TSHZ2: variants seen among roughly 807,000 people sequenced by gnomAD.
TSHZ2 encodes the protein teashirt homolog 2.
A neutral mutation model predicts 74.4 loss-of-function variants in TSHZ2; 21 were observed. The ratio of observed to expected loss-of-function variants is 0.28; its 90% CI spans 0.20 to 0.41. The LOEUF is 0.41. Among genes scored for constraint, TSHZ2 ranks in the 10% least tolerant of loss-of-function variants. The pLI is 1.00. For synonymous variants in TSHZ2, 540 were observed against 515.3 expected (o/e 1.05, Z -0.65); for missense variants, 1,244 against 1,293.5 (o/e 0.96, Z 0.59).
intron 1 of TSHZ2, among the ~76,000 whole-genome samples, chr20:53,180,165 A>AG (rs2123507931): frequency 6.6e-6 from 1 of 152,366 alleles, no homozygotes; most frequent in African/African-American, 2.4e-5. Flanking sequence ...ATTGGGAGAA[A>AG]GGGAGGGCTT....
At chr20:53,145,757 T>G (rs1987525080) in intron 1 of TSHZ2, among the ~76,000 whole-genome samples, 1 of 152,192 alleles carries the variant, frequency 6.6e-6, no homozygotes, top group African/African-American at 2.4e-5. Flanking sequence ...CAATTGCCCT[T>G]AACCAGAGAA....
chr20:53,194,694 C>T (rs529007220), intron 1 of TSHZ2, among the ~76,000 whole-genome samples: 1 of 152,340 alleles, frequency 6.6e-6, no homozygotes, highest in Non-Finnish European at 1.5e-5. Context: ...AATTACTTCA[C>T]CTAATGTGAT....
Position 53,255,100 on chromosome 20 carries a change from T to A in TSHZ2, c.1642T>A (p.Tyr548Asn). The stretch of plus-strand genomic sequence containing the variant: ...TGCCTACCCCAGCATCCACGCAGCC[T>A]ACCAGCTGTCTGAGGGCACCAAGCC... The part of the protein sequence containing the change: ...WSAYPSIHAA[Y>N]QLSEGTKPPL... Residue 548 changes from tyrosine (Y) to asparagine (N), a missense_variant, in exon 2 of 3, where the codon TAC becomes AAC. By Grantham distance (143) the Tyr-to-Asn change is moderately radical. Coordinates refer to ENST00000371497, the MANE Select transcript of TSHZ2 (RefSeq NM_173485.6). The surrounding 1 kb of genome is among the most constrained non-coding windows in gnomAD (Gnocchi z 4.1). 2 of 1,614,120 alleles carry A rather than the reference T, an allele frequency of 1.2e-6. No individual in the cohort carries two copies. Among genetic ancestry groups the A allele is most frequent in the Non-Finnish European group, 1.7e-6 (2 of 1,180,020 alleles).
intron 1 of TSHZ2, among the ~76,000 whole-genome samples, chr20:53,140,090 TG>T (rs1430389686): frequency 6.6e-6 from 1 of 152,104 alleles, no homozygotes; most frequent in African/African-American, 2.4e-5. Context: ...TGCACAGTGT[TG>T]AACAAGACAG....
chr20:52,986,977 A>G (rs1981791168), intron 1 of TSHZ2, among the ~76,000 whole-genome samples: 1 of 151,956 alleles, frequency 6.6e-6, no homozygotes, highest in African/African-American at 2.4e-5. Context: ...AAGAGGGGGT[A>G]GAATGATGTG....
chr20:53,278,810 T>C (rs1439221474), intron 2 of TSHZ2, among the ~76,000 whole-genome samples: 2 of 152,146 alleles, frequency 1.3e-5, no homozygotes, highest in African/African-American at 4.8e-5. Context: ...TTGTGGGCCA[T>C]GCAGTCTGTG....
chr20:53,082,864 T>C (rs1441049053), intron 1 of TSHZ2, among the ~76,000 whole-genome samples: 1 of 152,258 alleles, frequency 6.6e-6, no homozygotes, highest in Non-Finnish European at 1.5e-5. Context: ...CCAAATCTTG[T>C]TAAATGTTGT....
chr20:53,318,758 C>A (rs2145516916), intron 2 of TSHZ2, among the ~76,000 whole-genome samples: 1 of 152,294 alleles, frequency 6.6e-6, no homozygotes, highest in East Asian at 1.9e-4. Context: ...CAGCTTGGTA[C>A]AGTTAGTGAG....
intron 1 of TSHZ2, among the ~76,000 whole-genome samples, chr20:53,051,878 A>G (rs1180684089): frequency 6.6e-6 from 1 of 152,214 alleles, no homozygotes; most frequent in Non-Finnish European, 1.5e-5. Context: ...TGCAGGAGAA[A>G]GAAACAATTG....
rs112704439 is a variant in TSHZ2, at chr20:52,988,414, A to G, written c.40+15081A>G. On this transcript the variant is annotated intron_variant, in intron 1 of 2. Coordinates refer to ENST00000371497, the MANE Select transcript of TSHZ2 (RefSeq NM_173485.6). ...AGATAGGATACTGAAGCCCAGGCCC[A>G]CCTATCAGAGTCCAAGCTCTCAGAC... Among the ~76,000 whole-genome samples the G allele has an allele frequency of 8.0e-3, 1,211 of 152,308 alleles. 23 individuals are homozygous for G. The highest frequency in any genetic ancestry group is 0.028 in the African/African-American group (1,147 of 41,562).
At chr20:53,248,716 C>T (rs936046090) in intron 1 of TSHZ2, among the ~76,000 whole-genome samples, 2 of 152,180 alleles carry the variant, frequency 1.3e-5, no homozygotes, top group African/African-American at 4.8e-5. Flanking sequence ...GGTCTTGTTG[C>T]TTATTTGCAG....
intron 1 of TSHZ2, among the ~76,000 whole-genome samples, chr20:53,133,552 CTCGTCATAT>C (rs1245692917): frequency 6.6e-6 from 1 of 152,194 alleles, no homozygotes; most frequent in Non-Finnish European, 1.5e-5. Flanking sequence ...AAGCAGGCAG[CTCGTCATAT>C]TCTCAACAGG....
chr20:52,989,380 T>C (rs900269122), intron 1 of TSHZ2, among the ~76,000 whole-genome samples: 2 of 152,246 alleles, frequency 1.3e-5, no homozygotes, highest in Non-Finnish European at 2.9e-5. Context: ...TTAACATTAA[T>C]GTTTTCTTTG....
chr20:53,157,789 GTATT>G (rs957126781), intron 1 of TSHZ2, among the ~76,000 whole-genome samples: 16 of 152,206 alleles, frequency 1.1e-4, no homozygotes, highest in Admixed American at 7.8e-4. Context: ...TGTTCTTCAT[GTATT>G]TATTTATTTA....
At chr20:53,330,821 A>G (rs1979695723) in intron 2 of TSHZ2, among the ~76,000 whole-genome samples, 1 of 152,214 alleles carries the variant, frequency 6.6e-6, no homozygotes, top group African/African-American at 2.4e-5. Flanking sequence ...GGTTTATTCA[A>G]ATATGTTTAT....
intron 2 of TSHZ2, among the ~76,000 whole-genome samples, chr20:53,378,404 T>G (rs1042938856): frequency 6.6e-6 from 1 of 150,990 alleles, no homozygotes; most frequent in Non-Finnish European, 1.5e-5. Context: ...GAGCACAAGC[T>G]AAATGACTAG....
At chr20:53,193,864 G>A (rs1287098667) in intron 1 of TSHZ2, among the ~76,000 whole-genome samples, 2 of 151,708 alleles carry the variant, frequency 1.3e-5, no homozygotes, top group Non-Finnish European at 2.9e-5. Context: ...GTAAGAGGGA[G>A]GAACCTTGAA....
chr20:53,413,751 A>C (rs1320304054), intron 2 of TSHZ2, among the ~76,000 whole-genome samples: 1 of 152,248 alleles, frequency 6.6e-6, no homozygotes, highest in Non-Finnish European at 1.5e-5. Flanking sequence ...AAATTCTTCT[A>C]TGCTGATACA....
chr20:53,346,600 C>A (rs1047926368), intron 2 of TSHZ2, among the ~76,000 whole-genome samples: 1 of 152,200 alleles, frequency 6.6e-6, no homozygotes, highest in Non-Finnish European at 1.5e-5. Context: ...TCCTGTTGAC[C>A]AAAACCCTAA....
Sources: allele counts gnomAD v4.1 joint callset (sites outside exome capture counted in the v4.1 genomes callset), GRCh38; gene constraint gnomAD v4.1.1; non-coding constraint Gnocchi (gnomAD v3.1); transcripts MANE v1.5; gene names NCBI Gene and HGNC (gene_info 2026-07-23, HGNC 2026-07-21).